MICAL2: variants seen among roughly 807,000 people sequenced by gnomAD.
The protein encoded by MICAL2 is [F-actin]-monooxygenase MICAL2.
In MICAL2, 77 loss-of-function variants were observed where a neutral mutation model predicts 127.3. The observed-to-expected ratio is 0.60, with a 90% CI of 0.50 to 0.73. The LOEUF (loss-of-function observed/expected upper bound fraction) is 0.73, where lower values mean the gene tolerates loss of function less well. MICAL2 is among the 30% of genes least tolerant of loss of function. The probability of loss-of-function intolerance (pLI) is 0.00; values close to 1 mark genes in which losing one functional copy is unlikely to be tolerated. For synonymous variants in MICAL2, 570 were observed against 551.1 expected (o/e 1.03, Z -0.48); for missense variants, 1,351 against 1,434.4 (o/e 0.94, Z 0.94).
chr11:12,163,944 C>G (rs1249032501), intron 3 of MICAL2, among the ~76,000 whole-genome samples: 1 of 152,014 alleles, frequency 6.6e-6, no homozygotes, highest in Non-Finnish European at 1.5e-5. Context: ...AGAGGGTTTT[C>G]AGAGCTCTGG....
At chr11:12,283,925 T>A (rs1028094009) in intron 2 of MICAL2, among the ~76,000 whole-genome samples, 1 of 152,144 alleles carries the variant, frequency 6.6e-6, no homozygotes, top group African/African-American at 2.4e-5. Flanking sequence ...AAAGGCAGAT[T>A]CCCAGGTTCT....
At chr11:12,313,983 T>TTTTTTTG (rs1555020731) in intron 29 of MICAL2, among the ~76,000 whole-genome samples, 4 of 127,620 alleles carry the variant, frequency 3.1e-5, no homozygotes, top group East Asian at 5.4e-4. Context: ...TTTTTTTTTT[T>TTTTTTTG]GATAGCTATA....
intron 2 of MICAL2, among the ~76,000 whole-genome samples, chr11:12,153,705 C>A (rs1003125204): frequency 2.0e-5 from 3 of 152,166 alleles, no homozygotes; most frequent in Non-Finnish European, 4.4e-5. Flanking sequence ...ACTCTCCATT[C>A]CCCACTTCCC....
intron 2 of MICAL2, among the ~76,000 whole-genome samples, chr11:12,147,766 T>A (rs145308910): frequency 4.6e-5 from 7 of 152,156 alleles, no homozygotes; most frequent in Non-Finnish European, 1.0e-4. Flanking sequence ...TCTCAGTAAA[T>A]TGAATGAATG....
chr11:12,336,562 C>G (rs1221167544), intron 32 of MICAL2, among the ~76,000 whole-genome samples: 1 of 152,130 alleles, frequency 6.6e-6, no homozygotes, highest in Non-Finnish European at 1.5e-5. Context: ...CAGTTTTTGT[C>G]CATTCAGTAT....
intron 29 of MICAL2, among the ~76,000 whole-genome samples, chr11:12,314,203 C>T (rs983928507): frequency 4.0e-5 from 6 of 151,362 alleles, no homozygotes; most frequent in African/African-American, 7.3e-5. Context: ...TAAATCTATC[C>T]GTTTACTGTT....
intron 6 of MICAL2, among the ~76,000 whole-genome samples, chr11:12,211,066 A>G (rs1314490103): frequency 2.6e-5 from 4 of 152,250 alleles, no homozygotes; most frequent in African/African-American, 9.6e-5. Flanking sequence ...ACAACTTAAA[A>G]GAGGACTATT....
At chr11:12,276,062 TC>T (rs1381003136), upstream of MICAL2, 3 of 398,994 alleles carry the variant, frequency 7.5e-6, no homozygotes, top group Non-Finnish European at 1.3e-5. Context: ...ACGCTGCCTC[TC>T]CCCTGCCCTC....
chr11:12,193,269 G>A (rs912050453), intron 3 of MICAL2, among the ~76,000 whole-genome samples: 11 of 152,222 alleles, frequency 7.2e-5, no homozygotes, highest in South Asian at 2.1e-4. Context: ...GTCCAGATAC[G>A]GCTGTAGAAT....
chr11:12,357,209 C>A (rs1183076668), intron 34 of MICAL2, among the ~76,000 whole-genome samples: 1 of 152,196 alleles, frequency 6.6e-6, no homozygotes, highest in Admixed American at 6.5e-5. Flanking sequence ...CCACCCAGTC[C>A]TCCGTGTGTT....
chr11:12,126,599 A>C (rs1035806827), intron 1 of MICAL2, among the ~76,000 whole-genome samples: 1 of 151,894 alleles, frequency 6.6e-6, no homozygotes, highest in Non-Finnish European at 1.5e-5. Context: ...TTGAACACCT[A>C]CTATGTGCCC....
At chr11:12,176,205 G>C (rs1856822802) in intron 3 of MICAL2, among the ~76,000 whole-genome samples, 1 of 152,104 alleles carries the variant, frequency 6.6e-6, no homozygotes, top group African/African-American at 2.4e-5. Flanking sequence ...CGAAGGTTAG[G>C]GCAGACTTGG....
In MICAL2 at chr11:12,242,272, G is replaced by A; in HGVS notation, c.2396G>A (p.Gly799Asp). The A allele has an allele frequency of 1.2e-6, 2 of 1,613,914 alleles. No homozygotes were observed. The highest frequency in any genetic ancestry group is 1.7e-6 in the Non-Finnish European group (2 of 1,179,852). ...AGAGAGCTCAAGCAAGTGTCTGCTG[G>A]CAGTGAGTGCCTGAGCAGACCTTGG... ...VLRELKQVSA[G>D]SECLSRPWRA... is the part of the protein sequence containing the mutation. The change falls in exon 19 of 28, where the codon GGC becomes GAC. Residue 799 changes from glycine (G) to aspartate (D), a missense_variant. Gly to Asp is a moderately conservative substitution (Grantham distance 94). This residue lies in a region of MICAL2 where 752 missense variants were observed against 719.4 expected (regional missense o/e 1.05). Transcript: ENST00000683283.
chr11:12,125,500 C>T (rs1241999726), intron 1 of MICAL2, among the ~76,000 whole-genome samples: 2 of 152,084 alleles, frequency 1.3e-5, no homozygotes, highest in Admixed American at 6.5e-5. Context: ...GTGATCTGCC[C>T]GCCTCGGCCT....
At chr11:12,294,599 C>A (rs35331235), downstream of MICAL2, 6,782 of 1,614,176 alleles carry the variant, frequency 4.2e-3, 32 homozygotes, top group Middle Eastern at 9.7e-3. Context: ...TTCTAAGCCT[C>A]CAAAGAAAAG....
Position 12,224,834 on chromosome 11 carries a change from C to A in MICAL2, c.1688+14C>A. 2 of 1,598,862 alleles carry A rather than the reference C, an allele frequency of 1.3e-6. No homozygotes were observed. Among genetic ancestry groups the A allele is most frequent in the Non-Finnish European group, 1.7e-6 (2 of 1,167,452 alleles). On this transcript the variant is annotated intron_variant, in intron 13 of 27. Transcript: ENST00000683283. ...GCCTGAGCTCATGTGAGTCTGGGGC[C>A]CAGGCTGGCCCCTGGAGACGAGGGA... is the stretch of plus-strand genomic sequence containing the variant.
chr11:12,351,197 G>A (rs1939039043), intron 33 of MICAL2, among the ~76,000 whole-genome samples: 1 of 152,104 alleles, frequency 6.6e-6, no homozygotes, highest in African/African-American at 2.4e-5. Context: ...TATCTTTTAG[G>A]GAGTCACCAT....
downstream of MICAL2, among the ~76,000 whole-genome samples, chr11:12,359,917 A>G (rs1419871631): frequency 2.0e-5 from 3 of 152,172 alleles, no homozygotes; most frequent in African/African-American, 2.4e-5. Flanking sequence ...TCTCAAATCA[A>G]TCCATAAACC....
intron 16 of MICAL2, among the ~76,000 whole-genome samples, chr11:12,237,657 A>G (rs1269186688): frequency 2.0e-5 from 3 of 152,204 alleles, no homozygotes; most frequent in Admixed American, 6.5e-5. Flanking sequence ...AGCCCTGGAC[A>G]GTCTCCTGGG....
Sources: allele counts gnomAD v4.1 joint callset (sites outside exome capture counted in the v4.1 genomes callset), GRCh38; gene constraint gnomAD v4.1.1; regional missense constraint gnomAD v4.1.1; transcripts MANE v1.5; gene names NCBI Gene and HGNC (gene_info 2026-07-23, HGNC 2026-07-21).